THSD4: variants seen among roughly 807,000 people sequenced by gnomAD.
The protein encoded by THSD4 is thrombospondin type 1 domain containing 4.
A neutral mutation model predicts 119.0 loss-of-function variants in THSD4; 69 were observed. That is an observed-to-expected ratio of 0.58 (90% CI 0.48 to 0.71). THSD4 has a LOEUF of 0.71. THSD4 is among the 30% of genes least tolerant of loss of function. The pLI, the probability that THSD4 is intolerant of heterozygous loss-of-function variation, is 0.00. For synonymous variants in THSD4, 524 were observed against 540.4 expected (o/e 0.97, Z 0.42); for missense variants, 1,393 against 1,391.1 (o/e 1.00, Z -0.02).
At chr15:71,295,279 G>A (rs928854347) in intron 6 of THSD4, among the ~76,000 whole-genome samples, 3 of 152,156 alleles carry the variant, frequency 2.0e-5, no homozygotes, top group African/African-American at 4.8e-5. Context: ...ACTGGCCCAG[G>A]ATCACGATGA....
At chr15:71,510,925 G>T (rs1259008179) in intron 7 of THSD4, among the ~76,000 whole-genome samples, 1 of 152,038 alleles carries the variant, frequency 6.6e-6, no homozygotes. Context: ...ACGTTTGGCG[G>T]TGTGGTCGAG....
chr15:71,110,081 A>G (rs1236814616), intron 1 of THSD4, among the ~76,000 whole-genome samples: 4 of 152,204 alleles, frequency 2.6e-5, no homozygotes, highest in African/African-American at 7.2e-5. Flanking sequence ...TTAGCCTCAA[A>G]CAGAGAAGCT....
At chr15:71,426,609 CT>C (rs1434138418) in intron 7 of THSD4, among the ~76,000 whole-genome samples, 1 of 152,108 alleles carries the variant, frequency 6.6e-6, no homozygotes, top group African/African-American at 2.4e-5. Context: ...TTGTTCTTCT[CT>C]TTTCCAAGAT....
At chr15:71,110,780 G>A (rs1373825898), upstream of THSD4, 5 of 263,824 alleles carry the variant, frequency 1.9e-5, no homozygotes, top group East Asian at 2.8e-4. Flanking sequence ...AGTCTCCCAC[G>A]CTGTCCCCTT....
Position 71,441,397 on chromosome 15 carries a change from A to ATTTT in THSD4, c.1152+29592_1152+29595dup, listed in dbSNP as rs1215547880. On this transcript the variant is annotated intron_variant, in intron 7 of 17. Transcript: ENST00000261862. ...GTCCTTGGAGAGTTTCACCTGTAGA[A>ATTTT]TTTTTTTTTTTTTTTTTTTTTGAGA... Among the ~76,000 whole-genome samples the ATTTT allele has an allele frequency of 5.9e-4, 43 of 73,362 alleles. 5 individuals are homozygous for ATTTT. Among genetic ancestry groups the ATTTT allele is most frequent in the African/African-American group, 1.3e-3 (24 of 18,854 alleles). The allele number at this position is 73,362 out of a possible 152,430, so 48.1% of individuals were successfully genotyped here. A position where few individuals can be genotyped will look rare whatever the true frequency, so the allele number is the denominator to read the frequency against.
At chr15:71,588,088 C>T (rs1228453306) in intron 7 of THSD4, among the ~76,000 whole-genome samples, 2 of 151,828 alleles carry the variant, frequency 1.3e-5, no homozygotes, top group Admixed American at 6.6e-5. Flanking sequence ...GGGCGGATCA[C>T]GAGGTCAGGA....
rs79552252 is a variant in THSD4 at position 71,609,800 on chromosome 15, G to A, written c.1153-50730G>A. On this transcript the variant is annotated intron_variant, in intron 7 of 17. Coordinates refer to ENST00000261862, the MANE Select transcript of THSD4 (RefSeq NM_024817.3). ...CCAGGAGGCAGAGCTTGCAGTGAGC[G>A]GAGATCATGCCACTGCACTCCAGCC... Among the ~76,000 whole-genome samples, 386 of 149,908 alleles carry A rather than the reference G, an allele frequency of 2.6e-3. 3 individuals are homozygous for A. Among genetic ancestry groups the A allele is most frequent in the African/African-American group, 8.5e-3 (345 of 40,748 alleles).
chr15:71,684,855 A>C (rs2051874193), intron 8 of THSD4, among the ~76,000 whole-genome samples: 1 of 152,124 alleles, frequency 6.6e-6, no homozygotes, highest in African/African-American at 2.4e-5. Context: ...CCAATAAAAA[A>C]CATCTGGCAC....
chr15:71,268,118 C>T (rs1383602374), intron 6 of THSD4, among the ~76,000 whole-genome samples: 5 of 152,178 alleles, frequency 3.3e-5, no homozygotes, highest in African/African-American at 1.2e-4. Flanking sequence ...ACCTAATAGA[C>T]ATCTACAGAA....
chr15:71,468,255 G>C (rs2047527872), intron 7 of THSD4, among the ~76,000 whole-genome samples: 1 of 152,138 alleles, frequency 6.6e-6, no homozygotes, highest in Non-Finnish European at 1.5e-5. Flanking sequence ...TGATTGTGAG[G>C]CCTCCTCGGC....
chr15:71,762,466 A>T (rs1156288643), intron 15 of THSD4, among the ~76,000 whole-genome samples: 3 of 152,330 alleles, frequency 2.0e-5, no homozygotes, highest in East Asian at 3.9e-4. Context: ...TTCAGATAAG[A>T]CCACAGCGAC....
chr15:71,670,892 A>T (rs2051512842), intron 8 of THSD4, among the ~76,000 whole-genome samples: 1 of 152,248 alleles, frequency 6.6e-6, no homozygotes, highest in East Asian at 1.9e-4. Flanking sequence ...AATCCAGTCT[A>T]TCAGTGATGG....
intron 7 of THSD4, among the ~76,000 whole-genome samples, chr15:71,632,353 C>T (rs542051224): frequency 3.3e-5 from 5 of 152,348 alleles, no homozygotes; most frequent in African/African-American, 9.6e-5. Flanking sequence ...TGTATGACCC[C>T]TCCTTGATCT....
intron 7 of THSD4, among the ~76,000 whole-genome samples, chr15:71,530,879 G>A (rs1274035222): frequency 6.6e-6 from 1 of 151,414 alleles, no homozygotes; most frequent in African/African-American, 2.4e-5. Context: ...AGAAATCTGT[G>A]CTGTGGATGA....
intron 1 of THSD4, among the ~76,000 whole-genome samples, chr15:71,120,626 G>A (rs984267971): frequency 1.3e-5 from 2 of 152,242 alleles, no homozygotes; most frequent in African/African-American, 4.8e-5. Flanking sequence ...CAGCAGTGAG[G>A]ACAAAAGCAC....
At chr15:71,299,973 A>T (rs1596322918) in intron 6 of THSD4, among the ~76,000 whole-genome samples, 1 of 37,526 alleles carries the variant, frequency 2.7e-5, no homozygotes, top group Non-Finnish European at 6.5e-5. Context: ...AAAAAAAAAA[A>T]AAAATATATA....
intron 11 of THSD4, among the ~76,000 whole-genome samples, chr15:71,740,772 A>G (rs981224642): frequency 7.2e-5 from 11 of 152,230 alleles, no homozygotes; most frequent in African/African-American, 2.4e-5. Context: ...ATATGCTAGT[A>G]TCCCTCCTTT....
At chr15:71,103,692 G>A (rs900543666) in intron 1 of THSD4, among the ~76,000 whole-genome samples, 1 of 151,810 alleles carries the variant, frequency 6.6e-6, no homozygotes, top group Non-Finnish European at 1.5e-5. Context: ...TTAGATGACT[G>A]CCTAGCTCCA....
chr15:71,269,080 T>C (rs2044499255), intron 6 of THSD4, among the ~76,000 whole-genome samples: 1 of 150,546 alleles, frequency 6.6e-6, no homozygotes, highest in African/African-American at 2.4e-5. Flanking sequence ...TCCAAACTAC[T>C]CCTCCCTAAC....
Sources: allele counts gnomAD v4.1 joint callset (sites outside exome capture counted in the v4.1 genomes callset), GRCh38; gene constraint gnomAD v4.1.1; transcripts MANE v1.5; gene names NCBI Gene and HGNC (gene_info 2026-07-23, HGNC 2026-07-21).